The following CNGB3 variants were observed in gnomAD, a reference collection of about 807,000 sequenced individuals.
CNGB3 encodes cyclic nucleotide-gated channel beta-3.
CNGB3 carries 86 observed loss-of-function variants against 92.8 expected under a neutral mutation model. The observed-to-expected ratio is 0.93, with a 90% CI of 0.78 to 1.11. CNGB3 has a LOEUF of 1.11. Among genes scored for constraint, CNGB3 ranks in the 50% least tolerant of loss-of-function variants. The probability of loss-of-function intolerance (pLI) is 0.00; values close to 1 mark genes in which losing one functional copy is unlikely to be tolerated. For missense variants in CNGB3, 1,026 were observed against 956.8 expected (o/e 1.07, Z -0.95); for synonymous variants, 333 against 332.7 (o/e 1.00, Z -0.01).
At chr8:86,709,464 T>C (rs779424184) in intron 3 of CNGB3, among the ~76,000 whole-genome samples, 1 of 152,152 alleles carries the variant, frequency 6.6e-6, no homozygotes, top group Non-Finnish European at 1.5e-5. Flanking sequence ...ATAAAGAGCA[T>C]TGGTGAACAG....
At chr8:86,693,509 G>A (rs1188029531) in intron 3 of CNGB3, among the ~76,000 whole-genome samples, 3 of 149,522 alleles carry the variant, frequency 2.0e-5, no homozygotes, top group Admixed American at 2.0e-4. Flanking sequence ...ATTTGGCAGG[G>A]TCATAGGACA....
chr8:86,623,088 T>C (rs1236916057), intron 13 of CNGB3, among the ~76,000 whole-genome samples: 3 of 152,332 alleles, frequency 2.0e-5, no homozygotes, highest in African/African-American at 7.2e-5. Context: ...TTTTAAGACA[T>C]ATCCTTCTGT....
intron 3 of CNGB3, among the ~76,000 whole-genome samples, chr8:86,694,948 C>A (rs1398760143): frequency 6.6e-6 from 1 of 152,184 alleles, no homozygotes; most frequent in Non-Finnish European, 1.5e-5. Context: ...CTAAGGCAGG[C>A]GGCTGGGAGG....
Position 86,645,948 on chromosome 8 carries a change from A to G in CNGB3, c.991-1262T>C, listed in dbSNP as rs564767299. 2.0e-5 allele frequency among the ~76,000 whole-genome samples: 3 copies of G among 151,330 alleles called. No individual in the cohort carries two copies. The South Asian group carries it at 6.2e-4, about 31-fold the overall frequency. ...AAGATGACACCCTTAAAAATAAGTT[A>G]TATGAATGGACTATGGGGCTTTGAA... is the stretch of plus-strand genomic sequence containing the variant. On this transcript the variant is annotated intron_variant, in intron 8 of 17. Coordinates refer to ENST00000320005, the MANE Select transcript of CNGB3 (RefSeq NM_019098.5).
In CNGB3 at chr8:86,706,380, C is replaced by T. The variant is rs555993473; in HGVS notation, c.338+20151G>A. The stretch of plus-strand genomic sequence containing the variant: ...GTTGGTACGGTTTAAGCAAAACATT[C>T]ATTACTTTAAAAAATACCCTCTGCT... On this transcript the variant is annotated intron_variant, in intron 3 of 17. Coordinates refer to ENST00000320005, the MANE Select transcript of CNGB3 (RefSeq NM_019098.5). Among the ~76,000 whole-genome samples, 8 of 152,272 alleles carry T rather than the reference C, an allele frequency of 5.3e-5. No individual in the cohort carries two copies. In the South Asian group the frequency reaches 1.5e-3, roughly 28 times the overall value.
intron 3 of CNGB3, among the ~76,000 whole-genome samples, chr8:86,719,898 A>T (rs889039053): frequency 2.6e-5 from 4 of 152,218 alleles, no homozygotes; most frequent in Non-Finnish European, 5.9e-5. Context: ...AAGTGGGGAA[A>T]GGACACCCTT....
chr8:86,631,549 G>A (rs181895333), intron 11 of CNGB3, among the ~76,000 whole-genome samples: 78 of 152,118 alleles, frequency 5.1e-4, no homozygotes, highest in Non-Finnish European at 9.7e-4. Flanking sequence ...ACAACTTCAC[G>A]TTGATTTTAC....
chr8:86,581,746 A>G (rs1821789598), intron 15 of CNGB3, among the ~76,000 whole-genome samples: 2 of 152,034 alleles, frequency 1.3e-5, no homozygotes, highest in South Asian at 4.2e-4. Flanking sequence ...CCCCCCCACC[A>G]AGTCTCCTAT....
chr8:86,662,934 G>T (rs1823672241), intron 6 of CNGB3, among the ~76,000 whole-genome samples: 1 of 152,208 alleles, frequency 6.6e-6, no homozygotes, highest in Non-Finnish European at 1.5e-5. Flanking sequence ...CATTTTGGGG[G>T]ATGAAAAAGA....
chr8:86,666,490 C>T (rs528460101), intron 6 of CNGB3, among the ~76,000 whole-genome samples: 1 of 152,256 alleles, frequency 6.6e-6, no homozygotes, highest in African/African-American at 2.4e-5. Flanking sequence ...CCTCAGTTTC[C>T]TCATTTGTAA....
In CNGB3 at chr8:86,591,274, C is replaced by T. The variant is rs547351388; in HGVS notation, c.1782-12022G>A. 2.0e-5 allele frequency among the ~76,000 whole-genome samples: 3 copies of T among 147,644 alleles called. No individual in the cohort carries two copies. The South Asian group carries it at 6.6e-4, about 32-fold the overall frequency. ...TTTTCAAAGTTTTCAACTTCTTTGC[C>T]TTTGGTTTGAATGTCCTCCCGTAGC... On this transcript the variant is annotated intron_variant, in intron 15 of 17. Coordinates refer to ENST00000320005, the MANE Select transcript of CNGB3 (RefSeq NM_019098.5).
At chr8:86,591,505 C>A (rs1185487837) in intron 15 of CNGB3, among the ~76,000 whole-genome samples, 2 of 148,790 alleles carry the variant, frequency 1.3e-5, no homozygotes, top group Admixed American at 1.3e-4. Flanking sequence ...TGGTGATGTA[C>A]AGATGGGTTT....
At chr8:86,658,381 T>A (rs566225173) in intron 6 of CNGB3, 112 of 439,242 alleles carry the variant, frequency 2.5e-4, no homozygotes, top group Non-Finnish European at 4.2e-4. Context: ...TGGAGAGCCA[T>A]GAGGGTCAGC....
chr8:86,578,909 T>G (rs771267673), intron 16 of CNGB3, 46 bp from the exon 17 acceptor site: 1 of 1,611,408 alleles, frequency 6.2e-7, no homozygotes, highest in African/African-American at 1.3e-5. Flanking sequence ...CTGTGAGAGT[T>G]CTGGCAAAAT....
At chr8:86,658,840 C>A in intron 6 of CNGB3, 1 of 628,846 alleles carries the variant, frequency 1.6e-6, no homozygotes, top group South Asian at 1.8e-5. Flanking sequence ...GTGGTGAGGT[C>A]ATTCTGCATG....
At chr8:86,583,897 G>A (rs1001764940) in intron 15 of CNGB3, among the ~76,000 whole-genome samples, 1 of 136,846 alleles carries the variant, frequency 7.3e-6, no homozygotes, top group Non-Finnish European at 1.6e-5. Flanking sequence ...ACTCCAGACT[G>A]GGTGACAGAG....
At chr8:86,687,911 G>T (rs2131633702) in intron 3 of CNGB3, among the ~76,000 whole-genome samples, 1 of 151,852 alleles carries the variant, frequency 6.6e-6, no homozygotes, top group East Asian at 1.9e-4. Flanking sequence ...ATGTTAAGAA[G>T]GTAAATCACG....
At chr8:86,653,950 G>T in intron 7 of CNGB3, 62 bp downstream of exon 7, 1 of 1,070,296 alleles carries the variant, frequency 9.3e-7, no homozygotes, top group Non-Finnish European at 1.5e-6. Context: ...ATCTATAGAT[G>T]GGATTTAAAG....
intron 3 of CNGB3, among the ~76,000 whole-genome samples, chr8:86,704,966 G>A (rs1054786955): frequency 1.3e-5 from 2 of 151,968 alleles, no homozygotes; most frequent in Non-Finnish European, 2.9e-5. Context: ...AGCAACCCAC[G>A]AACTAGAAAT....
Sources: gnomAD v4.1 joint callset for allele counts (sites outside exome capture counted in the v4.1 genomes callset) on GRCh38, gnomAD v4.1.1 for gene constraint, MANE v1.5 for transcripts, NCBI Gene and HGNC (gene_info 2026-07-23, HGNC 2026-07-21) for gene names.